Variants in DOK3 observed in about 807,000 individuals in gnomAD.
DOK3 encodes Dok-like protein.
In DOK3, 23 loss-of-function variants were observed where a neutral mutation model predicts 26.2. The observed-to-expected ratio is 0.88, with a 90% CI of 0.63 to 1.24. The LOEUF is 1.24. Ranked by LOEUF, DOK3 falls within the 50% of genes most tolerant of loss-of-function variation. The pLI is 0.00. For missense variants in DOK3, 619 were observed against 610.6 expected (o/e 1.01, Z -0.15); for synonymous variants, 268 against 268.2 (o/e 1.00, Z 0.01).
chr5:177,502,884 G>C lies in DOK3; in HGVS notation c.*1099C>G. On this transcript the variant is annotated 3_prime_UTR_variant, in exon 6 of 6. Transcript: ENST00000510898. ...GAGAACAAAGAGGGGATGGTGGGCA[G>C]AGGCCTCGAAGAGCCAGAAAAGGGT... The C allele has an allele frequency of 1.6e-6, 1 of 617,110 alleles. No individual in the cohort carries two copies. Among genetic ancestry groups the C allele is most frequent in the Non-Finnish European group, 2.8e-6 (1 of 354,562 alleles). 38.2% of individuals were successfully genotyped at this position (617,110 alleles called of 1,614,324 possible). A position where few individuals can be genotyped will look rare whatever the true frequency, so the allele number is the denominator to read the frequency against.
upstream of DOK3, chr5:177,510,350 G>C (rs1045907001): frequency 5.9e-6 from 1 of 168,956 alleles, no homozygotes; most frequent in Non-Finnish European, 1.3e-5. Context: ...AGGCCCTCAC[G>C]GTATACACTC....
At position 177,509,824 on chromosome 5, in the gene DOK3, T is replaced by A. The variant is rs1581796589; in HGVS notation, c.-184A>T. ...CACCTGGTTCAGCTGGGCACGCGCGTCTGATCGCAGTCTGGCTCCCCGAGT... is the reference window on the plus strand; with the variant it reads ...CACCTGGTTCAGCTGGGCACGCGCGACTGATCGCAGTCTGGCTCCCCGAGT... On this transcript the variant is annotated 5_prime_UTR_variant, in exon 1 of 6. Coordinates refer to ENST00000510898, the MANE Select transcript of DOK3 (RefSeq NM_001308236.3). The A allele has an allele frequency of 6.2e-7, 1 of 1,611,230 alleles. No individual in the cohort carries two copies. The highest frequency in any genetic ancestry group is 1.7e-5 in the Admixed American group (1 of 59,998).
Position 177,502,864 on chromosome 5 carries a change from CAA to C in DOK3, c.*1117_*1118del, listed in dbSNP as rs1759487304. 2 of 600,170 alleles carry C rather than the reference CAA, an allele frequency of 3.3e-6. No individual in the cohort carries two copies. The highest frequency in any genetic ancestry group is 6.0e-5 in the Admixed American group (2 of 33,238). 37.2% of individuals were successfully genotyped at this position (600,170 alleles called of 1,614,324 possible). ...AACAGGGGGAAGGGACTATGGAGAACAAAGAGGGGATGGTGGGCAGAGGCCTC... is the reference window on the plus strand; with the variant it reads ...AACAGGGGGAAGGGACTATGGAGAACAGAGGGGATGGTGGGCAGAGGCCTC... On this transcript the variant is annotated 3_prime_UTR_variant, in exon 6 of 6. Coordinates refer to ENST00000510898, the MANE Select transcript of DOK3 (RefSeq NM_001308236.3).
At position 177,502,042 on chromosome 5, in the gene DOK3, C is replaced by G. The variant is rs1759405665; in HGVS notation, c.*1941G>C. The G allele has an allele frequency of 6.6e-6, 1 of 152,204 alleles. No individual in the cohort carries two copies. Among genetic ancestry groups the G allele is most frequent in the Non-Finnish European group, 1.5e-5 (1 of 68,068 alleles). The allele number at this position is 152,204 out of a possible 1,614,324, so 9.4% of individuals were successfully genotyped here. A position where few individuals can be genotyped will look rare whatever the true frequency, so the allele number is the denominator to read the frequency against. ...TGAGCCTAGGACCCTGGGAAGAACT[C>G]AGAGAAGGCAGCAGTAGAGGCTGGG... is the stretch of plus-strand genomic sequence containing the variant. On this transcript the variant is annotated 3_prime_UTR_variant, in exon 6 of 6. Transcript: ENST00000510898.
Position 177,504,921 on chromosome 5 carries a change from G to C in DOK3, c.473-6C>G, listed in dbSNP as rs1759885429. ...CACCACGGGAAACTCGCCCACTGTG[G>C]CAGGTGGCCAGGACAGCTCCGTCAG... On this transcript the variant is annotated splice_region_variant and splice_polypyrimidine_tract_variant and intron_variant, in intron 4 of 5. Coordinates refer to ENST00000510898, the MANE Select transcript of DOK3 (RefSeq NM_001308236.3). 6.3e-7 allele frequency: 1 copy of C among 1,582,938 alleles called. No homozygotes were observed. Among genetic ancestry groups the C allele is most frequent in the African/African-American group, 1.3e-5 (1 of 74,268 alleles).
Position 177,503,726 on chromosome 5 carries a change from G to T in DOK3, c.*257C>A. ...CCGGCACAGGGTGCTTGTGTTGGCC[G>T]CAATGAACGTGGGCAGGGGCGTGTG... On this transcript the variant is annotated 3_prime_UTR_variant, in exon 6 of 6. Coordinates refer to ENST00000510898, the MANE Select transcript of DOK3 (RefSeq NM_001308236.3). 6.4e-6 allele frequency: 9 copies of T among 1,404,602 alleles called. No individual in the cohort carries two copies. Among genetic ancestry groups the T allele is most frequent in the Non-Finnish European group, 8.3e-6 (9 of 1,084,108 alleles). The allele number at this position is 1,404,602 out of a possible 1,614,324, so 87.0% of individuals were successfully genotyped here. A position where few individuals can be genotyped will look rare whatever the true frequency, so the allele number is the denominator to read the frequency against.
chr5:177,508,466 A>C lies in DOK3; in HGVS notation c.143T>G (p.Val48Gly). ...CGCTGCTCCCAGGCCACCATCCCGG[A>C]CCTCCCAGCTCTCCAGCCGTGCCAC... ...SGVARLESWE[V>G]RDGGLGAAGD... The change falls in exon 3 of 6, where the codon GTC becomes GGC. Residue 48 changes from valine (V) to glycine (G), a missense_variant. Physicochemically the swap from Val to Gly is moderately radical, Grantham distance 109 (BLOSUM62 -3). Coordinates refer to ENST00000510898, the MANE Select transcript of DOK3 (RefSeq NM_001308236.3). 1 of 1,588,858 alleles carries C rather than the reference A, an allele frequency of 6.3e-7. No individual in the cohort carries two copies. The highest frequency in any genetic ancestry group is 2.3e-5 in the East Asian group (1 of 43,500).
In DOK3 at chr5:177,503,358, A is replaced by G; in HGVS notation, c.*625T>C. ...GTCATCGGTTCTCTCTCCTTTACAG[A>G]TGAGGAGACTGACGCCTGGGGTTCC... On this transcript the variant is annotated 3_prime_UTR_variant, in exon 6 of 6. Transcript: ENST00000510898. The G allele has an allele frequency of 6.5e-7, 1 of 1,544,460 alleles. No individual in the cohort carries two copies.
Position 177,504,299 on chromosome 5 carries a change from G to A in DOK3, c.1007C>T (p.Pro336Leu). ...ASVCKRASGP[P>L]GNEHLYENLC... ...GTTCTCATAGAGGTGCTCATTGCCT[G>A]GGGGCCCACTGGCACGCTTGCACAC... Residue 336 changes from proline to leucine, a missense_variant, in exon 6 of 6, where the codon CCA (proline) becomes CTA (leucine). Coordinates refer to ENST00000510898, the MANE Select transcript of DOK3 (RefSeq NM_001308236.3). 6.2e-7 allele frequency: 1 copy of A among 1,606,424 alleles called. No homozygotes were observed.
At chr5:177,508,633 A>G in intron 2 of DOK3, 91 bp from the exon 3 acceptor site, 2 of 1,365,396 alleles carry the variant, frequency 1.5e-6, no homozygotes, top group Non-Finnish European at 1.9e-6. Context: ...AAACGCTCCC[A>G]GCCAGGAGCG....
intron 5 of DOK3, 25 bp downstream of exon 5, chr5:177,504,718 A>G: frequency 6.2e-7 from 1 of 1,613,812 alleles, no homozygotes; most frequent in Non-Finnish European, 8.5e-7. Context: ...TCAGCCCCTC[A>G]CCCTTTCCCA....
At chr5:177,506,557 T>C (rs1299945911) in intron 3 of DOK3, among the ~76,000 whole-genome samples, 1 of 151,904 alleles carries the variant, frequency 6.6e-6, no homozygotes, top group Non-Finnish European at 1.5e-5. Flanking sequence ...CAGGCTGGTC[T>C]CGAACTCCTG....
At position 177,503,184 on chromosome 5, in the gene DOK3, A is replaced by G; in HGVS notation, c.*799T>C. 6.4e-7 allele frequency: 1 copy of G among 1,551,648 alleles called. No individual in the cohort carries two copies. Among genetic ancestry groups the G allele is most frequent in the Non-Finnish European group, 8.7e-7 (1 of 1,146,920 alleles). On this transcript the variant is annotated 3_prime_UTR_variant, in exon 6 of 6. Transcript: ENST00000510898. Reference sequence around the variant, plus strand: ...GGAGCAGGAGCAGAGGAGGGAACGCAGCATGGAAGTCTTCAGGAAACTTCT... The same window carrying G: ...GGAGCAGGAGCAGAGGAGGGAACGCGGCATGGAAGTCTTCAGGAAACTTCT...
rs967365105 is a variant in DOK3 at position 177,503,839 on chromosome 5, G to C, written c.*144C>G. Reference sequence around the variant, plus strand: ...ATGAGGAGGGCAGGGCAGGGCTGAGGTCCTCCACAGGCGGCCTGCCTTGTT... The same window carrying C: ...ATGAGGAGGGCAGGGCAGGGCTGAGCTCCTCCACAGGCGGCCTGCCTTGTT... On this transcript the variant is annotated 3_prime_UTR_variant, in exon 6 of 6. Coordinates refer to ENST00000510898, the MANE Select transcript of DOK3 (RefSeq NM_001308236.3). 97 of 1,434,780 alleles carry C rather than the reference G, an allele frequency of 6.8e-5. No individual in the cohort carries two copies. Among genetic ancestry groups the C allele is most frequent in the Non-Finnish European group, 8.6e-5 (94 of 1,099,242 alleles). 88.9% of individuals were successfully genotyped at this position (1,434,780 alleles called of 1,614,324 possible).
In DOK3 at chr5:177,509,566, G is replaced by C. The variant is rs147467860; in HGVS notation, c.-26C>G. ...GGTCACGGCCAGGAGCAGGGCCGCCGCTTCAAGACCTGGGGAGACTGATGA... is the reference window on the plus strand; with the variant it reads ...GGTCACGGCCAGGAGCAGGGCCGCCCCTTCAAGACCTGGGGAGACTGATGA... On this transcript the variant is annotated 5_prime_UTR_variant, in exon 2 of 6. Transcript: ENST00000510898. The C allele has an allele frequency of 3.7e-4, 589 of 1,609,414 alleles. 4 individuals are homozygous for C. Among genetic ancestry groups the C allele is most frequent in the Non-Finnish European group, 3.4e-4 (405 of 1,177,694 alleles).
chr5:177,510,613 G>A (rs1235105809), upstream of DOK3: 1 of 152,398 alleles, frequency 6.6e-6, no homozygotes. Context: ...GATAAGGAAT[G>A]CCATTTGGGA....
Position 177,508,259 on chromosome 5 carries a change from G to A in DOK3, c.350C>T (p.Pro117Leu). ...CACCGGGAAGGCCAGCTGGCAGATG[G>A]GGCCCATCCAGGCCTGGCGGTGCTG... is the stretch of plus-strand genomic sequence containing the variant. Reference protein sequence around the residue: ...AAQHRQAWMGPICQLAFPGTG... With the variant: ...AAQHRQAWMGLICQLAFPGTG... Residue 117 changes from proline to leucine, a missense_variant, in exon 3 of 6, where the codon CCC becomes CTC. By Grantham distance (98) the Pro-to-Leu change is moderately conservative (BLOSUM62 -3). Transcript: ENST00000510898. 1 of 1,526,362 alleles carries A rather than the reference G, an allele frequency of 6.6e-7. No individual in the cohort carries two copies. Among genetic ancestry groups the A allele is most frequent in the South Asian group, 1.2e-5 (1 of 82,874 alleles). The allele number at this position is 1,526,362 out of a possible 1,614,324, so 94.6% of individuals were successfully genotyped here.
chr5:177,503,237 A>C lies in DOK3; in HGVS notation c.*746T>G. The stretch of plus-strand genomic sequence containing the variant: ...CCCCCTGGAATGTCGGCTCCCGGAG[A>C]ACAGGACCAAGGCTGTCCTGAACAC... On this transcript the variant is annotated 3_prime_UTR_variant, in exon 6 of 6. Coordinates refer to ENST00000510898, the MANE Select transcript of DOK3 (RefSeq NM_001308236.3). The C allele has an allele frequency of 6.4e-7, 1 of 1,551,514 alleles. No homozygotes were observed. Among genetic ancestry groups the C allele is most frequent in the South Asian group, 1.2e-5 (1 of 84,062 alleles).
In DOK3 at chr5:177,502,879, G is replaced by A; in HGVS notation, c.*1104C>T. Reference sequence around the variant, plus strand: ...CTATGGAGAACAAAGAGGGGATGGTGGGCAGAGGCCTCGAAGAGCCAGAAA... The same window carrying A: ...CTATGGAGAACAAAGAGGGGATGGTAGGCAGAGGCCTCGAAGAGCCAGAAA... On this transcript the variant is annotated 3_prime_UTR_variant, in exon 6 of 6. Transcript: ENST00000510898. 1.6e-6 allele frequency: 1 copy of A among 610,250 alleles called. No individual in the cohort carries two copies. Among genetic ancestry groups the A allele is most frequent in the Non-Finnish European group, 2.9e-6 (1 of 348,828 alleles). 37.8% of individuals were successfully genotyped at this position (610,250 alleles called of 1,614,324 possible).
Sources: gnomAD v4.1 joint callset for allele counts (sites outside exome capture counted in the v4.1 genomes callset) on GRCh38, gnomAD v4.1.1 for gene constraint, MANE v1.5 for transcripts, NCBI Gene and HGNC (gene_info 2026-07-23, HGNC 2026-07-21) for gene names.